The following TBCK variants were observed in gnomAD, a reference collection of about 807,000 sequenced individuals.
TBCK encodes the protein TBC1 domain containing kinase.
TBCK carries 99 observed loss-of-function variants against 113.4 expected under a neutral mutation model. The ratio of observed to expected loss-of-function variants is 0.87; its 90% CI spans 0.74 to 1.03. TBCK has a LOEUF of 1.03. TBCK is among the 50% of genes least tolerant of loss of function. TBCK has a pLI of 0.00. For missense variants in TBCK, 1,045 were observed against 1,061.3 expected, an observed-to-expected ratio of 0.98 and a Z score of 0.21; for synonymous variants, 369 against 370.8, an observed-to-expected ratio of 1.00 and a Z score of 0.05.
At chr4:106,106,698 A>G (rs1424953842) in intron 24 of TBCK, among the ~76,000 whole-genome samples, 1 of 152,176 alleles carries the variant, frequency 6.6e-6, no homozygotes, top group East Asian at 1.9e-4. Context: ...ACTTAAACAC[A>G]CAGACCGACG....
chr4:106,050,849 G>T (rs746621174), intron 25 of TBCK, among the ~76,000 whole-genome samples: 1 of 151,916 alleles, frequency 6.6e-6, no homozygotes, highest in Non-Finnish European at 1.5e-5. Context: ...CTCCATGTGG[G>T]GAGGGCAAAG....
At chr4:106,236,337 A>G (rs2150009698) in intron 14 of TBCK, 53 bp downstream of exon 14, 1 of 1,306,378 alleles carries the variant, frequency 7.7e-7, no homozygotes, top group East Asian at 2.8e-5. Flanking sequence ...GAAAAAATTA[A>G]AAAAAAATTC....
chr4:106,086,215 A>AATC (rs1161767343), intron 25 of TBCK, among the ~76,000 whole-genome samples: 1 of 152,206 alleles, frequency 6.6e-6, no homozygotes, highest in Non-Finnish European at 1.5e-5. Context: ...AAGAGAGAAG[A>AATC]ATCAAATAGA....
chr4:106,236,951 T>C (rs993952486), intron 12 of TBCK, 143 bp from the exon 13 acceptor site: 8 of 434,560 alleles, frequency 1.8e-5, no homozygotes, highest in Admixed American at 1.3e-4. Context: ...AAATCAGTTC[T>C]TACCATAAAC....
chr4:106,218,310 C>T (rs935147943), intron 19 of TBCK, among the ~76,000 whole-genome samples: 2 of 150,736 alleles, frequency 1.3e-5, no homozygotes, highest in Non-Finnish European at 3.0e-5. Context: ...TACGCATGGG[C>T]AAGGACTTCA....
rs1734233123 is a variant in TBCK at position 106,046,537 on chromosome 4, A to G, written c.*33T>C. ...GAACTGTGCTGTTGGTGCTGATGCC[A>G]CACTAAGTTTTGGCAGTCACACTCT... is the stretch of plus-strand genomic sequence containing the variant. On this transcript the variant is annotated 3_prime_UTR_variant, in exon 26 of 26. Coordinates refer to ENST00000394708, the MANE Select transcript of TBCK (RefSeq NM_001163435.3). 8.3e-7 allele frequency: 1 copy of G among 1,204,360 alleles called. No individual in the cohort carries two copies. Among genetic ancestry groups the G allele is most frequent in the East Asian group, 2.3e-5 (1 of 42,852 alleles). The allele number at this position is 1,204,360 out of a possible 1,614,324, so 74.6% of individuals were successfully genotyped here. A position where few individuals can be genotyped will look rare whatever the true frequency, so the allele number is the denominator to read the frequency against.
intron 22 of TBCK, among the ~76,000 whole-genome samples, chr4:106,176,191 T>C (rs1340130426): frequency 1.3e-5 from 2 of 152,134 alleles, no homozygotes; most frequent in Non-Finnish European, 2.9e-5. Context: ...ATTTTAAATC[T>C]AGCTATTTTG....
At position 106,044,993 on chromosome 4, in the gene TBCK, A is replaced by G. The variant is rs906038485; in HGVS notation, c.*1577T>C. On this transcript the variant is annotated 3_prime_UTR_variant, in exon 26 of 26. Transcript: ENST00000394708. Reference sequence around the variant, plus strand: ...ACAAAATTGAAGATAATTAAAGGATATGCTATATTTCATATATATGAGGCA... The same window carrying G: ...ACAAAATTGAAGATAATTAAAGGATGTGCTATATTTCATATATATGAGGCA... The G allele has an allele frequency of 1.3e-5, 2 of 151,692 alleles. No homozygotes were observed. The highest frequency in any genetic ancestry group is 4.8e-5 in the African/African-American group (2 of 41,278). 9.4% of individuals were successfully genotyped at this position (151,692 alleles called of 1,614,324 possible).
chr4:106,068,358 G>A (rs919156457), intron 25 of TBCK, among the ~76,000 whole-genome samples: 3 of 151,888 alleles, frequency 2.0e-5, no homozygotes, highest in African/African-American at 4.8e-5. Flanking sequence ...GTGTCCAAGT[G>A]TTCTCATTGT....
chr4:106,306,384 C>A (rs1767529307), intron 2 of TBCK, among the ~76,000 whole-genome samples: 1 of 151,902 alleles, frequency 6.6e-6, no homozygotes, highest in African/African-American at 2.4e-5. Flanking sequence ...CATGCTTGGC[C>A]TTGATATTCT....
At chr4:106,280,584 T>C (rs1043970620) in intron 3 of TBCK, among the ~76,000 whole-genome samples, 1 of 152,164 alleles carries the variant, frequency 6.6e-6, no homozygotes, top group Non-Finnish European at 1.5e-5. Flanking sequence ...AAGTCTTTAA[T>C]CCATTTTGAT....
intron 3 of TBCK, among the ~76,000 whole-genome samples, chr4:106,281,326 T>C (rs1764572826): frequency 6.6e-6 from 1 of 152,018 alleles, no homozygotes; most frequent in Non-Finnish European, 1.5e-5. Flanking sequence ...GTGTAGTCTT[T>C]AGTTTTCTCC....
intron 25 of TBCK, among the ~76,000 whole-genome samples, chr4:106,088,367 G>C (rs531341374): frequency 6.6e-6 from 1 of 152,080 alleles, no homozygotes; most frequent in South Asian, 2.1e-4. Flanking sequence ...CAACATCACT[G>C]GTCATCAGAG....
intron 20 of TBCK, among the ~76,000 whole-genome samples, chr4:106,205,871 A>G (rs1755442682): frequency 6.6e-6 from 1 of 151,974 alleles, no homozygotes. Context: ...CATTTTCTTC[A>G]TATAGTTAAA....
At chr4:106,091,968 C>T (rs1191846501) in intron 25 of TBCK, among the ~76,000 whole-genome samples, 1 of 152,156 alleles carries the variant, frequency 6.6e-6, no homozygotes, top group Non-Finnish European at 1.5e-5. Context: ...GAGCTAGACA[C>T]AAAAGTTCTC....
intron 12 of TBCK, chr4:106,238,684 T>A (rs148075422): frequency 7.9e-5 from 12 of 152,298 alleles, no homozygotes; most frequent in Non-Finnish European, 1.8e-4. Flanking sequence ...TTAGAAGGCA[T>A]CATTCTTCCT....
chr4:106,223,229 C>T (rs1036790131), intron 19 of TBCK, among the ~76,000 whole-genome samples: 2 of 152,132 alleles, frequency 1.3e-5, no homozygotes, highest in East Asian at 1.9e-4. Context: ...CAATGCACTA[C>T]CTTTCTAAAT....
intron 23 of TBCK, among the ~76,000 whole-genome samples, chr4:106,151,973 C>A (rs1421712151): frequency 6.6e-6 from 1 of 151,874 alleles, no homozygotes; most frequent in African/African-American, 2.4e-5. Flanking sequence ...ACTTCTAATA[C>A]TGTTTTTTAT....
chr4:106,060,197 C>A (rs1735881538), intron 25 of TBCK, among the ~76,000 whole-genome samples: 1 of 151,678 alleles, frequency 6.6e-6, no homozygotes, highest in Non-Finnish European at 1.5e-5. Context: ...TTGCTGATGA[C>A]ACTAAACAGA....
Sources: gnomAD v4.1 joint callset for allele counts (sites outside exome capture counted in the v4.1 genomes callset) on GRCh38, gnomAD v4.1.1 for gene constraint, MANE v1.5 for transcripts, NCBI Gene and HGNC (gene_info 2026-07-23, HGNC 2026-07-21) for gene names.